CNPY4: variants seen among roughly 807,000 people sequenced by gnomAD.
CNPY4 encodes the protein protein canopy homolog 4.
CNPY4 carries 33 observed loss-of-function variants against 30.1 expected under a neutral mutation model. The observed-to-expected ratio is 1.10, with a 90% CI of 0.83 to 1.46. CNPY4 has a LOEUF of 1.46. Ranked by LOEUF, CNPY4 falls within the 40% of genes most tolerant of loss-of-function variation. The pLI, the probability that CNPY4 is intolerant of heterozygous loss-of-function variation, is 0.00. For missense variants in CNPY4, 324 were observed against 302.6 expected, an observed-to-expected ratio of 1.07 and a Z score of -0.52; for synonymous variants, 109 against 110.1, an observed-to-expected ratio of 0.99 and a Z score of 0.06.
At chr7:100,122,636 G>T in intron 3 of CNPY4, 59 bp downstream of exon 3, 1 of 1,530,238 alleles carries the variant, frequency 6.5e-7, no homozygotes, top group Non-Finnish European at 8.9e-7. Context: ...TGTATCCCCT[G>T]AGGCCCTCCA....
chr7:100,122,435 A>T (rs775929683), intron 2 of CNPY4, 46 bp from the exon 3 acceptor site: 6 of 1,613,768 alleles, frequency 3.7e-6, no homozygotes, highest in Non-Finnish European at 5.1e-6. Context: ...GAGCCCTGGG[A>T]GTTCCTACAG....
chr7:100,122,261 T>G lies in CNPY4; in HGVS notation c.121T>G (p.Cys41Gly), dbSNP rs755760693. The change falls in exon 2 of 6, where the codon TGT becomes GGT. Residue 41 changes from cysteine to glycine, a missense_variant and splice_region_variant. Coordinates refer to ENST00000262932, the MANE Select transcript of CNPY4 (RefSeq NM_152755.2). ...CGGACGTTTCTCCTCCCCACCAGTG[T>G]GTAAGCTGCTGAGCACAGAGCTACA... ...TERLPSKCEV[C>G]KLLSTELQAE... 13 of 1,613,798 alleles carry G rather than the reference T, an allele frequency of 8.1e-6. No individual in the cohort carries two copies. Among genetic ancestry groups the G allele is most frequent in the Non-Finnish European group, 1.1e-5 (13 of 1,179,948 alleles).
chr7:100,122,038 A>T, intron 1 of CNPY4: 1 of 451,752 alleles, frequency 2.2e-6, no homozygotes, highest in Admixed American at 4.1e-5. Flanking sequence ...CGACAGAGCG[A>T]GAGTCCGTCT....
chr7:100,124,319 T>C, intron 4 of CNPY4, 195 bp from the exon 5 acceptor site: 2 of 544,534 alleles, frequency 3.7e-6, no homozygotes, highest in Non-Finnish European at 6.6e-6. Flanking sequence ...GACTCAAGAG[T>C]TTAATAATCT....
intron 1 of CNPY4, 22 bp downstream of exon 1, chr7:100,119,884 T>C: frequency 1.3e-6 from 2 of 1,581,456 alleles, no homozygotes; most frequent in East Asian, 2.3e-5. Flanking sequence ...GGGTAGCCCC[T>C]ATAGGCATCG....
At position 100,124,816 on chromosome 7, in the gene CNPY4, GGAGGAA is replaced by G. The variant is rs1309817476; in HGVS notation, c.683_688del (p.Glu228_Glu229del). On this transcript the variant is annotated inframe_deletion, in exon 6 of 6. Transcript: ENST00000262932. ...AAGAGCAGGAGGAGGAGGAGGAAGA[GGAGGAA>G]GAGGAAGGGGGAGACAAGATGACCA... 8.1e-6 allele frequency: 13 copies of G among 1,613,524 alleles called. 1 individual carries two copies. The African/African-American group carries it at 1.3e-4, about 17-fold the overall frequency.
Position 100,119,635 on chromosome 7 carries a change from T to G in CNPY4, c.-110T>G. 1.1e-5 allele frequency: 18 copies of G among 1,600,740 alleles called. No homozygotes were observed. The highest frequency in any genetic ancestry group is 1.5e-5 in the Non-Finnish European group (18 of 1,173,178). Reference sequence around the variant, plus strand: ...GGCTGATCCTGCGCATGCGCCGACCTTCCTCGGCTGGATTTAAGGTTGCCG... The same window carrying G: ...GGCTGATCCTGCGCATGCGCCGACCGTCCTCGGCTGGATTTAAGGTTGCCG... On this transcript the variant is annotated 5_prime_UTR_variant, in exon 1 of 6. Transcript: ENST00000262932.
At chr7:100,123,646 G>A (rs768589690) in intron 4 of CNPY4, among the ~76,000 whole-genome samples, 3 of 151,892 alleles carry the variant, frequency 2.0e-5, no homozygotes, top group East Asian at 2.0e-4. Flanking sequence ...TCAGCCTCCC[G>A]AGTAGCTGGG....
chr7:100,120,075 T>G (rs2116880516), intron 1 of CNPY4: 1 of 464,928 alleles, frequency 2.2e-6, no homozygotes. Flanking sequence ...TTTTTTTGGC[T>G]GGCTTGGAAC....
Position 100,124,796 on chromosome 7 carries a change from CAGGAGGAGGAGG to C in CNPY4, c.660_671del (p.Glu226_Glu229del). 2.5e-6 allele frequency: 4 copies of C among 1,612,454 alleles called. No individual in the cohort carries two copies. Among genetic ancestry groups the C allele is most frequent in the Non-Finnish European group, 3.4e-6 (4 of 1,178,990 alleles). The stretch of plus-strand genomic sequence containing the variant: ...AGAGAAAACAGAAGGGGAGGAAGAG[CAGGAGGAGGAGG>C]AGGAAGAGGAGGAAGAGGAAGGGGG... On this transcript the variant is annotated inframe_deletion, in exon 6 of 6. Transcript: ENST00000262932.
At chr7:100,122,087 G>C in intron 1 of CNPY4, 172 bp from the exon 2 acceptor site, 3 of 602,918 alleles carry the variant, frequency 5.0e-6, no homozygotes, top group Non-Finnish European at 5.6e-6. Context: ...CCGAGGCACA[G>C]CAAGCAGGAA....
chr7:100,124,982 T>C lies in CNPY4; in HGVS notation c.*94T>C, dbSNP rs191393224. Reference sequence around the variant, plus strand: ...CTCCACAGCTTTCAGGGTGTGTTTATGAGTGACTCCACCCAAGCTTGTAGC... The same window carrying C: ...CTCCACAGCTTTCAGGGTGTGTTTACGAGTGACTCCACCCAAGCTTGTAGC... On this transcript the variant is annotated 3_prime_UTR_variant, in exon 6 of 6. Transcript: ENST00000262932. 1.9e-5 allele frequency: 27 copies of C among 1,408,948 alleles called. No homozygotes were observed. In the African/African-American group the frequency reaches 3.2e-4, roughly 16 times the overall value. The allele number at this position is 1,408,948 out of a possible 1,614,324, so 87.3% of individuals were successfully genotyped here. A position where few individuals can be genotyped will look rare whatever the true frequency, so the allele number is the denominator to read the frequency against.
Position 100,124,989 on chromosome 7 carries a change from C to G in CNPY4, c.*101C>G. 1 of 1,354,014 alleles carries G rather than the reference C, an allele frequency of 7.4e-7. No homozygotes were observed. Among genetic ancestry groups the G allele is most frequent in the Non-Finnish European group, 1.0e-6 (1 of 991,786 alleles). The allele number at this position is 1,354,014 out of a possible 1,614,324, so 83.9% of individuals were successfully genotyped here. ...GCTTTCAGGGTGTGTTTATGAGTGA[C>G]TCCACCCAAGCTTGTAGCTGTTCTC... On this transcript the variant is annotated 3_prime_UTR_variant, in exon 6 of 6. Coordinates refer to ENST00000262932, the MANE Select transcript of CNPY4 (RefSeq NM_152755.2).
intron 1 of CNPY4, 64 bp downstream of exon 1, chr7:100,119,926 A>G: frequency 6.9e-7 from 1 of 1,457,748 alleles, no homozygotes; most frequent in East Asian, 2.4e-5. Flanking sequence ...TAGGCCGGAC[A>G]TCCTAGCCTG....
chr7:100,122,458 CTT>C, intron 2 of CNPY4, 21 bp from the exon 3 acceptor site: 17 of 1,614,036 alleles, frequency 1.1e-5, no homozygotes, highest in Non-Finnish European at 1.4e-5. Context: ...TCCAGGGAAT[CTT>C]TGTTTCCTCT....
intron 1 of CNPY4, 132 bp from the exon 2 acceptor site, chr7:100,122,127 C>A: frequency 9.1e-7 from 1 of 1,102,632 alleles, no homozygotes; most frequent in African/African-American, 1.6e-5. Context: ...AATGGCTGAG[C>A]CAGGATTCCA....
chr7:100,122,758 C>T lies in CNPY4; in HGVS notation c.343-26C>T, dbSNP rs548206072. 15 of 1,604,294 alleles carry T rather than the reference C, an allele frequency of 9.3e-6. No individual in the cohort carries two copies. The South Asian group carries it at 1.6e-4, about 17-fold the overall frequency. On this transcript the variant is annotated intron_variant, in intron 3 of 5. Coordinates refer to ENST00000262932, the MANE Select transcript of CNPY4 (RefSeq NM_152755.2). Reference sequence around the variant, plus strand: ...GGGAGGGGTGGGGTGGTGAGCTGGGCTGATGCCAAATTCTTAATCTCTCAG... The same window carrying T: ...GGGAGGGGTGGGGTGGTGAGCTGGGTTGATGCCAAATTCTTAATCTCTCAG...
intron 1 of CNPY4, 57 bp from the exon 2 acceptor site, chr7:100,122,202 T>G (rs1257478096): frequency 6.2e-7 from 1 of 1,605,782 alleles, no homozygotes; most frequent in African/African-American, 1.3e-5. Context: ...ATCTGCAGAA[T>G]GAATGGCTGG....
At chr7:100,121,116 A>ATATATTT (rs1584585316) in intron 1 of CNPY4, 25 of 52,776 alleles carry the variant, frequency 4.7e-4, no homozygotes, top group Admixed American at 1.1e-3. Flanking sequence ...ATATATATAT[A>ATATATTT]TTTTTTTTTT....
Sources: gnomAD v4.1 joint callset for allele counts (sites outside exome capture counted in the v4.1 genomes callset) on GRCh38, gnomAD v4.1.1 for gene constraint, MANE v1.5 for transcripts, NCBI Gene and HGNC (gene_info 2026-07-23, HGNC 2026-07-21) for gene names.